COL14A1: variants seen among roughly 807,000 people sequenced by gnomAD.
The protein encoded by COL14A1 is collagen alpha-1(XIV) chain.
In COL14A1, 136 loss-of-function variants were observed where a neutral mutation model predicts 230.3. The observed-to-expected ratio is 0.59, with a 90% confidence interval of 0.51 to 0.68. COL14A1 has a LOEUF of 0.68. Among genes scored for constraint, COL14A1 ranks in the 30% least tolerant of loss-of-function variants. COL14A1 has a pLI of 0.00. For missense variants in COL14A1, 1,976 were observed against 2,215.8 expected (o/e 0.89, Z 2.17); for synonymous variants, 792 against 784.1 (o/e 1.01, Z -0.17).
chr8:120,163,243 A>G (rs1349668180), intron 4 of COL14A1, among the ~76,000 whole-genome samples: 1 of 152,208 alleles, frequency 6.6e-6, no homozygotes, highest in Non-Finnish European at 1.5e-5. Flanking sequence ...GAGAGTACAT[A>G]TAGGACTCTG....
intron 24 of COL14A1, among the ~76,000 whole-genome samples, chr8:120,264,694 A>C (rs1405217059): frequency 6.6e-6 from 1 of 152,112 alleles, no homozygotes; most frequent in African/African-American, 2.4e-5. Context: ...TAGTTTTTGA[A>C]AAGTCAGAAT....
intron 13 of COL14A1, among the ~76,000 whole-genome samples, chr8:120,212,841 A>G (rs1415380961): frequency 6.6e-6 from 1 of 152,196 alleles, no homozygotes; most frequent in Non-Finnish European, 1.5e-5. Flanking sequence ...GCAGGTCAGA[A>G]TCTAGAGGGA....
intron 32 of COL14A1, among the ~76,000 whole-genome samples, chr8:120,285,211 TGGGATGCTGAGGTGGGCA>T (rs1283043846): frequency 2.0e-5 from 3 of 151,864 alleles, no homozygotes; most frequent in Non-Finnish European, 4.4e-5. Context: ...CCCAGCACTT[TGGGATGCTGAGGTGGGCA>T]GATCATGAGG....
intron 5 of COL14A1, among the ~76,000 whole-genome samples, chr8:120,194,389 C>T (rs1239792731): frequency 1.3e-5 from 2 of 152,064 alleles, no homozygotes; most frequent in Admixed American, 6.5e-5. Context: ...GTGTCATAAG[C>T]ACCCAAGCCC....
chr8:120,231,709 C>A, intron 19 of COL14A1, 91 bp downstream of exon 19: 1 of 1,325,672 alleles, frequency 7.5e-7, no homozygotes. Flanking sequence ...AACTTTACTG[C>A]TCTTTTCTCA....
At chr8:120,232,543 T>C (rs1818308180) in intron 19 of COL14A1, among the ~76,000 whole-genome samples, 2 of 152,194 alleles carry the variant, frequency 1.3e-5, no homozygotes, top group East Asian at 1.9e-4. Context: ...CTGTGTTAGT[T>C]TGCAGAGAAT....
At chr8:120,269,890 T>A (rs1233310474) in intron 25 of COL14A1, 145 bp from the exon 26 acceptor site, 2 of 756,778 alleles carry the variant, frequency 2.6e-6, no homozygotes, top group Non-Finnish European at 4.1e-6. Context: ...GAGCAGGAGT[T>A]TGGAATATGA....
At chr8:120,308,924 T>C (rs748203134) in intron 36 of COL14A1, among the ~76,000 whole-genome samples, 9 of 152,134 alleles carry the variant, frequency 5.9e-5, no homozygotes, top group African/African-American at 1.4e-4. Flanking sequence ...CAGACTTCAA[T>C]AGAAACAGAA....
At chr8:120,292,896 GAAATTACGTTCTTAATAAAA>G (rs1820415004) in intron 34 of COL14A1, among the ~76,000 whole-genome samples, 1 of 152,002 alleles carries the variant, frequency 6.6e-6, no homozygotes, top group Non-Finnish European at 1.5e-5. Flanking sequence ...CTACTCGATA[GAAATTACGTTCTTAATAAAA>G]TCAACTGGTG....
At chr8:120,339,591 CAG>C (rs960556111) in intron 42 of COL14A1, among the ~76,000 whole-genome samples, 21 of 152,258 alleles carry the variant, frequency 1.4e-4, no homozygotes, top group African/African-American at 4.6e-4. Context: ...CAAAGAAACT[CAG>C]AGAGTTAACC....
intron 1 of COL14A1, among the ~76,000 whole-genome samples, chr8:120,125,843 C>T (rs1814316893): frequency 6.6e-6 from 1 of 152,148 alleles, no homozygotes; most frequent in Non-Finnish European, 1.5e-5. Flanking sequence ...GGACGAAACT[C>T]ACCCAGTCAC....
chr8:120,306,958 G>A (rs914960971), intron 36 of COL14A1, among the ~76,000 whole-genome samples: 10 of 152,218 alleles, frequency 6.6e-5, no homozygotes, highest in Non-Finnish European at 1.5e-5. Context: ...TAGGCTGCGA[G>A]AAACAGAAAA....
chr8:120,319,656 A>C (rs541570646), intron 40 of COL14A1, among the ~76,000 whole-genome samples: 7 of 152,340 alleles, frequency 4.6e-5, no homozygotes, highest in Admixed American at 2.6e-4. Context: ...AAGATGAAAC[A>C]TCTTTTCTTC....
intron 8 of COL14A1, among the ~76,000 whole-genome samples, chr8:120,202,989 A>AATAT (rs201356550): frequency 0.029 from 3,044 of 106,382 alleles, 93 homozygotes; most frequent in African/African-American, 0.037. Context: ...AATAATTTCA[A>AATAT]ATATATATAT....
chr8:120,311,638 G>A (rs946589095), intron 37 of COL14A1, among the ~76,000 whole-genome samples: 2 of 152,158 alleles, frequency 1.3e-5, no homozygotes, highest in Non-Finnish European at 2.9e-5. Flanking sequence ...GCCCCAGTAT[G>A]TATGATTTTT....
At chr8:120,239,083 T>TAC (rs976470842) in intron 19 of COL14A1, among the ~76,000 whole-genome samples, 1 of 152,224 alleles carries the variant, frequency 6.6e-6, no homozygotes, top group African/African-American at 2.4e-5. Context: ...AAATCAATGA[T>TAC]ACACTCTTAA....
At chr8:120,324,230 T>C (rs1821573329) in intron 40 of COL14A1, among the ~76,000 whole-genome samples, 2 of 151,874 alleles carry the variant, frequency 1.3e-5, no homozygotes, top group Non-Finnish European at 2.9e-5. Context: ...AAAAAAAAGT[T>C]TAAAAATAAA....
intron 13 of COL14A1, 143 bp from the exon 14 acceptor site, chr8:120,216,208 A>G (rs780550782): frequency 3.0e-6 from 2 of 658,372 alleles, no homozygotes; most frequent in Non-Finnish European, 2.5e-6. Context: ...TTATGAGACA[A>G]TACACTGGTT....
chr8:120,348,485 A>T (rs997592007), intron 45 of COL14A1, among the ~76,000 whole-genome samples: 38 of 152,180 alleles, frequency 2.5e-4, no homozygotes, highest in Middle Eastern at 3.4e-3. Flanking sequence ...AGCTATGAGG[A>T]TGCAAAGGCA....
Sources: gnomAD v4.1 joint callset for allele counts (sites outside exome capture counted in the v4.1 genomes callset) on GRCh38, gnomAD v4.1.1 for gene constraint, MANE v1.5 for transcripts, NCBI Gene and HGNC (gene_info 2026-07-23, HGNC 2026-07-21) for gene names.